Variants in PSME3IP1 observed in about 807,000 individuals in gnomAD.
PSME3IP1 encodes proteasome activator subunit 3 interacting protein 1.
PSME3IP1 carries 13 observed loss-of-function variants against 34.1 expected under a neutral mutation model. The ratio of observed to expected loss-of-function variants is 0.38; its 90% CI spans 0.25 to 0.61. The LOEUF (loss-of-function observed/expected upper bound fraction) is 0.61. PSME3IP1 is among the 20% of genes least tolerant of loss of function. The pLI is 0.60. For missense variants in PSME3IP1, 237 were observed against 301.4 expected (o/e 0.79, Z 1.58); for synonymous variants, 93 against 114.3 (o/e 0.81, Z 1.19).
chr16:57,174,439 ACCT>A, intron 1 of PSME3IP1: 1 of 985,348 alleles, frequency 1.0e-6, no homozygotes. Flanking sequence ...AATTCTTATT[ACCT>A]GGTGTTCCAT....
chr16:57,154,934 G>A lies in PSME3IP1; in HGVS notation c.548-427C>T, dbSNP rs930757865. Among the ~76,000 whole-genome samples the A allele has an allele frequency of 2.0e-5, 3 of 152,204 alleles. No individual in the cohort carries two copies. The highest frequency in any genetic ancestry group is 2.9e-5 in the Non-Finnish European group (2 of 68,044). ...TTAACAATTCCATTAAGTTCTCAGC[G>A]TATTACACCATTTCTTATTTACTGA... On this transcript the variant is annotated intron_variant, in intron 6 of 6. Coordinates refer to ENST00000309137, the MANE Select transcript of PSME3IP1 (RefSeq NM_024946.4). The surrounding 1 kb of genome is among the most constrained non-coding windows in gnomAD (Gnocchi z 4.0).
chr16:57,159,136 CG>C (rs2145478755), intron 6 of PSME3IP1, among the ~76,000 whole-genome samples: 1 of 152,210 alleles, frequency 6.6e-6, no homozygotes, highest in South Asian at 2.1e-4. Flanking sequence ...ACTGGCCTAA[CG>C]GAAGAATGGA....
intron 6 of PSME3IP1, among the ~76,000 whole-genome samples, chr16:57,163,305 G>C (rs1203075879): frequency 6.6e-6 from 1 of 152,122 alleles, no homozygotes; most frequent in Non-Finnish European, 1.5e-5. Flanking sequence ...AAGGGTAACA[G>C]CAACAGACCA....
intron 4 of PSME3IP1, among the ~76,000 whole-genome samples, chr16:57,169,712 A>G (rs1020928756): frequency 2.0e-5 from 3 of 152,232 alleles, no homozygotes; most frequent in African/African-American, 4.8e-5. Context: ...GGGGGACACT[A>G]TATGTCTTAT....
chr16:57,153,549 A>C lies in PSME3IP1; in HGVS notation c.*741T>G, dbSNP rs1225966110. The C allele has an allele frequency of 6.6e-6, 1 of 152,216 alleles. No homozygotes were observed. Among genetic ancestry groups the C allele is most frequent in the Non-Finnish European group, 1.5e-5 (1 of 68,044 alleles). 9.4% of individuals were successfully genotyped at this position (152,216 alleles called of 1,614,324 possible). ...TCTCTAAAATTTAGAATCTTAAACT[A>C]AATCCTTTATTTCAAAAACAAACAT... is the stretch of plus-strand genomic sequence containing the variant. On this transcript the variant is annotated 3_prime_UTR_variant, in exon 7 of 7. Coordinates refer to ENST00000309137, the MANE Select transcript of PSME3IP1 (RefSeq NM_024946.4).
In PSME3IP1 at chr16:57,162,016, C is replaced by T. The variant is rs549510387; in HGVS notation, c.547+1985G>A. On this transcript the variant is annotated intron_variant, in intron 6 of 6. Transcript: ENST00000309137. The stretch of plus-strand genomic sequence containing the variant: ...GCCTCCCAGGTTCAAACGATTCTTC[C>T]GCCTCAGCCTCCTGAGGAGCTGGGA... Among the ~76,000 whole-genome samples, 7 of 151,890 alleles carry T rather than the reference C, an allele frequency of 4.6e-5. No homozygotes were observed. In the South Asian group the frequency reaches 1.3e-3, roughly 27 times the overall value.
chr16:57,169,701 T>C (rs957684919), intron 4 of PSME3IP1, among the ~76,000 whole-genome samples: 1 of 152,198 alleles, frequency 6.6e-6, no homozygotes, highest in Admixed American at 6.5e-5. Flanking sequence ...GATGCTACTT[T>C]GGGGGACACT....
At chr16:57,183,660 C>G (rs2073919066) in intron 1 of PSME3IP1, among the ~76,000 whole-genome samples, 1 of 152,106 alleles carries the variant, frequency 6.6e-6, no homozygotes. Flanking sequence ...AATAGAAAAG[C>G]TAACAAGATA....
intron 1 of PSME3IP1, chr16:57,185,468 C>A (rs577962177): frequency 6.9e-5 from 67 of 972,846 alleles, no homozygotes; most frequent in Non-Finnish European, 8.1e-5. Context: ...CGCCGCACAT[C>A]CGAGTGAGTA....
At chr16:57,156,827 T>C (rs778112665) in intron 6 of PSME3IP1, among the ~76,000 whole-genome samples, 4 of 152,216 alleles carry the variant, frequency 2.6e-5, no homozygotes, top group African/African-American at 4.8e-5. Context: ...GGGAACATGT[T>C]AGGAACAGCA....
rs2071566530 is a variant in PSME3IP1 at position 57,163,992 on chromosome 16, G to A, written c.547+9C>T. ...TGAGTACAAGGAAGTAATGAAGGCT[G>A]CCACCCACCTTGATTCTTGTCATCT... On this transcript the variant is annotated intron_variant, in intron 6 of 6. Coordinates refer to ENST00000309137, the MANE Select transcript of PSME3IP1 (RefSeq NM_024946.4). 1 of 1,613,714 alleles carries A rather than the reference G, an allele frequency of 6.2e-7. No individual in the cohort carries two copies. The highest frequency in any genetic ancestry group is 1.1e-5 in the South Asian group (1 of 91,080).
chr16:57,183,987 G>A (rs1475629174), intron 1 of PSME3IP1, among the ~76,000 whole-genome samples: 2 of 152,130 alleles, frequency 1.3e-5, no homozygotes, highest in Non-Finnish European at 2.9e-5. Flanking sequence ...TAAACATAGA[G>A]ATTATAAAAA....
intron 6 of PSME3IP1, among the ~76,000 whole-genome samples, chr16:57,162,968 C>T (rs1334378945): frequency 1.3e-5 from 2 of 152,048 alleles, no homozygotes; most frequent in African/African-American, 4.8e-5. Flanking sequence ...AGTGCAAGAC[C>T]AGCCTGGCCA....
chr16:57,163,065 T>C lies in PSME3IP1; in HGVS notation c.547+936A>G, dbSNP rs2071450864. On this transcript the variant is annotated intron_variant, in intron 6 of 6. Transcript: ENST00000309137. ...CTGTAATCCCAAATACTCGGGAGGGTGAGGCAGGAGAATTACTTGAGCCCA... is the reference window on the plus strand; with the variant it reads ...CTGTAATCCCAAATACTCGGGAGGGCGAGGCAGGAGAATTACTTGAGCCCA... Among the ~76,000 whole-genome samples, 5 of 151,956 alleles carry C rather than the reference T, an allele frequency of 3.3e-5. No homozygotes were observed. In the South Asian group the frequency reaches 1.0e-3, roughly 32 times the overall value.
In PSME3IP1 at chr16:57,172,255, T is replaced by A; in HGVS notation, c.344A>T (p.Tyr115Phe). ...REEELKELKE[Y>F]RNNLKKVGIS... The stretch of plus-strand genomic sequence containing the variant: ...TCCTCCAAGTACAAAGGATATTCTG[T>A]ATTCCTTCAGTTCTTTCAGTTCTTC... The change falls in exon 4 of 7, where the codon TAC (tyrosine) becomes TTC (phenylalanine). Residue 115 changes from tyrosine to phenylalanine, a missense_variant. Physicochemically the swap from Tyr to Phe is conservative, Grantham distance 22. Coordinates refer to ENST00000309137, the MANE Select transcript of PSME3IP1 (RefSeq NM_024946.4). 3 of 1,612,798 alleles carry A rather than the reference T, an allele frequency of 1.9e-6. No individual in the cohort carries two copies. Among genetic ancestry groups the A allele is most frequent in the Non-Finnish European group, 2.5e-6 (3 of 1,179,954 alleles).
At chr16:57,163,864 A>G (rs1280780487) in intron 6 of PSME3IP1, 137 bp downstream of exon 6, 2 of 848,960 alleles carry the variant, frequency 2.4e-6, no homozygotes, top group Non-Finnish European at 3.9e-6. Context: ...CTGGCATAAA[A>G]AAGTTGGGTA....
intron 4 of PSME3IP1, among the ~76,000 whole-genome samples, chr16:57,170,171 C>T (rs2072396239): frequency 6.6e-6 from 1 of 151,680 alleles, no homozygotes; most frequent in South Asian, 2.1e-4. Context: ...CAATCTCCAC[C>T]TTCCAGGTTC....
intron 6 of PSME3IP1, among the ~76,000 whole-genome samples, chr16:57,158,033 T>C (rs2145444582): frequency 6.6e-6 from 1 of 152,238 alleles, no homozygotes; most frequent in Middle Eastern, 3.4e-3. Flanking sequence ...CCCCAGGACA[T>C]ATAGCACAGG....
chr16:57,157,237 G>A (rs915316738), intron 6 of PSME3IP1, among the ~76,000 whole-genome samples: 3 of 151,322 alleles, frequency 2.0e-5, no homozygotes, highest in Admixed American at 2.0e-4. Context: ...CACTTGAACT[G>A]GCGAAGCTGA....
Sources: allele counts gnomAD v4.1 joint callset (sites outside exome capture counted in the v4.1 genomes callset), GRCh38; gene constraint gnomAD v4.1.1; non-coding constraint Gnocchi (gnomAD v3.1); transcripts MANE v1.5; gene names NCBI Gene and HGNC (gene_info 2026-07-23, HGNC 2026-07-21).